The following SSBP2 variants were observed in gnomAD, a reference collection of about 807,000 sequenced individuals.
The protein encoded by SSBP2 is single stranded DNA binding protein 2, also known as single-stranded DNA-binding protein 2.
SSBP2 carries 17 observed loss-of-function variants against 61.8 expected under a neutral mutation model. That is an observed-to-expected ratio of 0.28 (90% confidence interval 0.19 to 0.41). SSBP2 has a LOEUF of 0.41. Among genes scored for constraint, SSBP2 ranks in the 10% least tolerant of loss-of-function variants. The probability of loss-of-function intolerance (pLI) is 1.00; values close to 1 mark genes in which losing one functional copy is unlikely to be tolerated. For missense variants in SSBP2, 310 were observed against 458.7 expected, an observed-to-expected ratio of 0.68 and a Z score of 2.96; for synonymous variants, 139 against 141.3, an observed-to-expected ratio of 0.98 and a Z score of 0.12.
chr5:81,664,786 T>C (rs188465905), intron 1 of SSBP2, among the ~76,000 whole-genome samples: 35 of 152,304 alleles, frequency 2.3e-4, no homozygotes, highest in Admixed American at 1.3e-4. Flanking sequence ...TTCTTTGTTG[T>C]GTTTTATTAA....
At chr5:81,509,813 G>T (rs936364163) in intron 5 of SSBP2, among the ~76,000 whole-genome samples, 4 of 152,132 alleles carry the variant, frequency 2.6e-5, no homozygotes, top group Admixed American at 2.6e-4. Context: ...CTTATCCAGA[G>T]ACCCAAAGTA....
At chr5:81,488,375 T>C (rs1047670316) in intron 6 of SSBP2, among the ~76,000 whole-genome samples, 10 of 152,114 alleles carry the variant, frequency 6.6e-5, no homozygotes, top group African/African-American at 2.4e-4. Context: ...ACATACTTGG[T>C]AACACTTGTT....
chr5:81,588,832 G>A (rs972929161), intron 4 of SSBP2, among the ~76,000 whole-genome samples: 10 of 152,192 alleles, frequency 6.6e-5, no homozygotes, highest in African/African-American at 1.7e-4. Context: ...GGGAGGCTGA[G>A]GCAGGTGGAA....
intron 1 of SSBP2, among the ~76,000 whole-genome samples, chr5:81,734,347 A>T (rs145152130): frequency 1.9e-3 from 283 of 152,286 alleles, no homozygotes; most frequent in Non-Finnish European, 3.2e-3. Flanking sequence ...TGGCAAAACT[A>T]TTTTTCACTT....
chr5:81,542,143 G>A (rs1771321831), intron 4 of SSBP2, among the ~76,000 whole-genome samples: 2 of 151,958 alleles, frequency 1.3e-5, no homozygotes, highest in South Asian at 4.2e-4. Context: ...ACATACAAGC[G>A]GCCAACAAAC....
Position 81,610,837 on chromosome 5 carries a change from T to C in SSBP2, c.282+4636A>G, listed in dbSNP as rs6885808. On this transcript the variant is annotated intron_variant, in intron 4 of 16. Transcript: ENST00000320672. ...GGAGAAACCCCATCTCTACTACAAA[T>C]ACAAAAATTAGCCGGGCATGGTGGC... Among the ~76,000 whole-genome samples the C allele has an allele frequency of 6.5e-3, 991 of 151,956 alleles. 14 individuals are homozygous for C. The highest frequency in any genetic ancestry group is 0.023 in the African/African-American group (952 of 41,442).
At chr5:81,739,163 C>CA (rs1396646914) in intron 1 of SSBP2, among the ~76,000 whole-genome samples, 2 of 40,522 alleles carry the variant, frequency 4.9e-5, no homozygotes, top group Admixed American at 2.9e-4. Flanking sequence ...GACTCCATCT[C>CA]CAAAAAAAAA....
intron 5 of SSBP2, among the ~76,000 whole-genome samples, chr5:81,494,203 G>A (rs1767120456): frequency 6.6e-6 from 1 of 152,102 alleles, no homozygotes; most frequent in Non-Finnish European, 1.5e-5. Context: ...AACATGTAGT[G>A]CTATGAATAC....
intron 10 of SSBP2, among the ~76,000 whole-genome samples, chr5:81,454,763 CAT>C (rs537748473): frequency 6.0e-5 from 9 of 150,740 alleles, no homozygotes; most frequent in East Asian, 1.9e-4. Flanking sequence ...AAAGAAAATA[CAT>C]ATATATATAT....
chr5:81,426,903 T>A (rs1231075669), intron 16 of SSBP2, among the ~76,000 whole-genome samples: 1 of 152,256 alleles, frequency 6.6e-6, no homozygotes, highest in African/African-American at 2.4e-5. Flanking sequence ...TTCCTCTGAC[T>A]TTTAAAATAC....
intron 1 of SSBP2, among the ~76,000 whole-genome samples, chr5:81,698,721 T>C (rs563387628): frequency 7.9e-5 from 12 of 152,246 alleles, no homozygotes; most frequent in South Asian, 2.1e-4. Flanking sequence ...GGCAGGAGAA[T>C]TGCTTGAATC....
At chr5:81,475,613 T>A (rs1360614699) in intron 6 of SSBP2, among the ~76,000 whole-genome samples, 4 of 151,908 alleles carry the variant, frequency 2.6e-5, no homozygotes, top group African/African-American at 9.7e-5. Flanking sequence ...TTCTTTCAGT[T>A]TTTTTTCCTA....
intron 4 of SSBP2, among the ~76,000 whole-genome samples, chr5:81,604,299 GC>G (rs1744665610): frequency 6.9e-6 from 1 of 143,900 alleles, no homozygotes; most frequent in African/African-American, 2.6e-5. Context: ...TGTTCATATA[GC>G]AAAAAACAAC....
chr5:81,447,030 AT>A lies in SSBP2; in HGVS notation c.724-109del, dbSNP rs199872431. The A allele has an allele frequency of 2.9e-3, 1,969 of 682,172 alleles. 24 individuals carry two copies. The African/African-American group carries it at 0.032, about 11-fold the overall frequency. The allele number at this position is 682,172 out of a possible 1,614,324, so 42.3% of individuals were successfully genotyped here. ...AATTTGAAAATAAGAGCAGAAATAT[AT>A]TTTCTCTAATTTATTTTCTTTGACT... is the stretch of plus-strand genomic sequence containing the variant. On this transcript the variant is annotated intron_variant, in intron 11 of 16. Coordinates refer to ENST00000320672, the MANE Select transcript of SSBP2 (RefSeq NM_012446.5).
chr5:81,622,927 A>C (rs1449396806), intron 3 of SSBP2, among the ~76,000 whole-genome samples: 1 of 152,262 alleles, frequency 6.6e-6, no homozygotes, highest in East Asian at 1.9e-4. Context: ...AATTTCTATA[A>C]TAAGCAGTAA....
rs545958921 is a variant in SSBP2, at chr5:81,614,088, C to T, written c.282+1385G>A. Among the ~76,000 whole-genome samples the T allele has an allele frequency of 8.5e-5, 13 of 152,170 alleles. No homozygotes were observed. In the East Asian group the frequency reaches 1.9e-3, roughly 23 times the overall value. The stretch of plus-strand genomic sequence containing the variant: ...TTTAAAGAATTGCACAGGCCGGGCG[C>T]GGTGGCTCACGCCTGTAATCCCAGC... On this transcript the variant is annotated intron_variant, in intron 4 of 16. Coordinates refer to ENST00000320672, the MANE Select transcript of SSBP2 (RefSeq NM_012446.5).
intron 6 of SSBP2, among the ~76,000 whole-genome samples, chr5:81,488,019 A>AT (rs1401413119): frequency 0.096 from 1,418 of 14,776 alleles, 212 homozygotes; most frequent in Non-Finnish European, 0.13. Context: ...TAATATATAT[A>AT]TATATATATA....
intron 10 of SSBP2, among the ~76,000 whole-genome samples, chr5:81,451,546 C>A (rs973059651): frequency 2.6e-5 from 4 of 152,172 alleles, no homozygotes; most frequent in African/African-American, 9.7e-5. Flanking sequence ...CCTGCCTCAG[C>A]CTCCCAAGTA....
At chr5:81,554,845 T>G (rs10057707) in intron 4 of SSBP2, among the ~76,000 whole-genome samples, 14,839 of 152,134 alleles carry the variant, frequency 0.098, 837 homozygotes, top group African/African-American at 0.13. Context: ...AAAAATGTGT[T>G]GACTTAAGAG....
Sources: gnomAD v4.1 joint callset for allele counts (sites outside exome capture counted in the v4.1 genomes callset) on GRCh38, gnomAD v4.1.1 for gene constraint, MANE v1.5 for transcripts, NCBI Gene and HGNC (gene_info 2026-07-23, HGNC 2026-07-21) for gene names.